NTRK3: variants seen among roughly 807,000 people sequenced by gnomAD.
NTRK3 encodes NT-3 growth factor receptor.
In NTRK3, 24 loss-of-function variants were observed where a neutral mutation model predicts 91.7. The observed-to-expected ratio is 0.26, with a 90% CI of 0.19 to 0.37. The LOEUF is 0.37. Ranked by LOEUF, NTRK3 falls within the 10% of genes least tolerant of loss-of-function variation. The pLI, the probability that NTRK3 is intolerant of heterozygous loss-of-function variation, is 1.00. For missense variants in NTRK3, 880 were observed against 1,068.9 expected (o/e 0.82, Z 2.46); for synonymous variants, 483 against 404.0 (o/e 1.20, Z -2.34).
chr15:87,987,873 T>C (rs2074961305), intron 14 of NTRK3, among the ~76,000 whole-genome samples: 1 of 151,428 alleles, frequency 6.6e-6, no homozygotes, highest in Admixed American at 6.6e-5. Context: ...TGAGAATCTG[T>C]CTCAAAATAA....
At chr15:88,251,371 C>T (rs999831434) in intron 3 of NTRK3, among the ~76,000 whole-genome samples, 4 of 152,324 alleles carry the variant, frequency 2.6e-5, no homozygotes, top group Admixed American at 1.3e-4. Context: ...CTCTGCCCTG[C>T]GGCCTCAATT....
chr15:88,095,190 T>C (rs954934547), intron 13 of NTRK3, among the ~76,000 whole-genome samples: 3 of 152,234 alleles, frequency 2.0e-5, no homozygotes, highest in African/African-American at 7.2e-5. Context: ...AATGGTCCCA[T>C]GTGAGAATTT....
At chr15:88,177,282 G>A (rs2046088718) in intron 5 of NTRK3, among the ~76,000 whole-genome samples, 2 of 152,170 alleles carry the variant, frequency 1.3e-5, no homozygotes, top group South Asian at 4.1e-4. Context: ...GGATTTATAT[G>A]TTTAAAATAT....
exon 19 of NTRK3, chr15:87,873,651 A>C (rs1250267291): frequency 4.3e-6 from 1 of 232,156 alleles, no homozygotes; most frequent in Non-Finnish European, 8.5e-6. Flanking sequence ...TGGAGTGGCC[A>C]TATTGGCTAA....
chr15:88,116,320 C>T (rs2052062532), intron 13 of NTRK3, among the ~76,000 whole-genome samples: 1 of 152,048 alleles, frequency 6.6e-6, no homozygotes, highest in Non-Finnish European at 1.5e-5. Flanking sequence ...TGTGGTGGCT[C>T]ATGCCTATAA....
At chr15:87,879,817 C>T (rs1032025544) in intron 18 of NTRK3, among the ~76,000 whole-genome samples, 34 of 152,086 alleles carry the variant, frequency 2.2e-4, no homozygotes, top group African/African-American at 7.7e-4. Flanking sequence ...ACACATGACT[C>T]TACCAGTTAT....
chr15:88,207,208 A>C lies in NTRK3; in HGVS notation c.249-22909T>G, dbSNP rs141772860. Among the ~76,000 whole-genome samples, 1,133 of 152,222 alleles carry C rather than the reference A, an allele frequency of 7.4e-3. 4 individuals carry two copies. The highest frequency in any genetic ancestry group is 0.013 in the Non-Finnish European group (871 of 68,020). On this transcript the variant is annotated intron_variant, in intron 3 of 18. Coordinates refer to ENST00000394480, the Ensembl canonical transcript of NTRK3. ...GTTTCATGAGAAGGTGATTGCTGGG[A>C]CTATTATATTACCTGCCTCCAGCGA...
chr15:87,926,635 A>T (rs2068332803), intron 17 of NTRK3: 1 of 152,242 alleles, frequency 6.6e-6, no homozygotes, highest in Non-Finnish European at 1.5e-5. Flanking sequence ...CACAGTTATT[A>T]AGGCAAGGAC....
At chr15:87,879,627 G>T (rs2065134313) in intron 18 of NTRK3, among the ~76,000 whole-genome samples, 1 of 152,150 alleles carries the variant, frequency 6.6e-6, no homozygotes, top group Non-Finnish European at 1.5e-5. Flanking sequence ...TTAGAAAAGT[G>T]CCTACCACTA....
At chr15:87,970,050 G>C (rs1047920064) in intron 14 of NTRK3, among the ~76,000 whole-genome samples, 1 of 152,176 alleles carries the variant, frequency 6.6e-6, no homozygotes, top group Admixed American at 6.5e-5. Flanking sequence ...GGTATTTGGG[G>C]CATCTGTCCA....
chr15:88,221,185 C>T (rs1234344648), intron 3 of NTRK3, among the ~76,000 whole-genome samples: 1 of 152,234 alleles, frequency 6.6e-6, no homozygotes, highest in East Asian at 1.9e-4. Context: ...AAACTGAAAA[C>T]ATATAAAGAA....
intron 16 of NTRK3, among the ~76,000 whole-genome samples, chr15:87,930,619 G>A (rs2068712115): frequency 6.6e-6 from 1 of 152,144 alleles, no homozygotes; most frequent in Admixed American, 6.5e-5. Flanking sequence ...AGATGTGAGA[G>A]CAGGCAGGGT....
At chr15:88,152,833 C>T (rs1231717707) in intron 5 of NTRK3, among the ~76,000 whole-genome samples, 1 of 152,208 alleles carries the variant, frequency 6.6e-6, no homozygotes, top group Non-Finnish European at 1.5e-5. Context: ...CCACTAAGAT[C>T]TAATCTGGTA....
At chr15:88,096,122 A>G (rs537379856) in intron 13 of NTRK3, among the ~76,000 whole-genome samples, 3 of 152,172 alleles carry the variant, frequency 2.0e-5, no homozygotes, top group Non-Finnish European at 4.4e-5. Flanking sequence ...TCCCCAGAAC[A>G]AACAGAGGGA....
intron 14 of NTRK3, among the ~76,000 whole-genome samples, chr15:88,024,853 G>A (rs905495451): frequency 6.6e-6 from 1 of 152,240 alleles, no homozygotes; most frequent in African/African-American, 2.4e-5. Flanking sequence ...TGAAGGCATG[G>A]ACACATTGGT....
chr15:88,013,542 T>C (rs2077026965), intron 14 of NTRK3, among the ~76,000 whole-genome samples: 1 of 152,240 alleles, frequency 6.6e-6, no homozygotes, highest in Non-Finnish European at 1.5e-5. Flanking sequence ...ATGAATTCCC[T>C]TTATGATCTG....
chr15:87,940,549 A>T (rs2142015622), intron 15 of NTRK3, 74 bp downstream of exon 15: 1 of 1,607,202 alleles, frequency 6.2e-7, no homozygotes, highest in African/African-American at 1.3e-5. Context: ...TCTCAAATGG[A>T]GGGAGCCTCT....
chr15:87,943,319 G>A (rs953231064), intron 14 of NTRK3, among the ~76,000 whole-genome samples: 1 of 152,064 alleles, frequency 6.6e-6, no homozygotes, highest in African/African-American at 2.4e-5. Context: ...CTCACTTCCA[G>A]AAGCCCAGGA....
At chr15:87,912,884 G>A (rs1317952851) in intron 17 of NTRK3, among the ~76,000 whole-genome samples, 3 of 143,502 alleles carry the variant, frequency 2.1e-5, no homozygotes, top group Non-Finnish European at 3.0e-5. Context: ...GAACTCTAGC[G>A]GCAAACCCTG....
Sources: allele counts gnomAD v4.1 joint callset (sites outside exome capture counted in the v4.1 genomes callset), GRCh38; gene constraint gnomAD v4.1.1; transcripts MANE v1.5; gene names NCBI Gene and HGNC (gene_info 2026-07-23, HGNC 2026-07-21).